EFCAB5: variants seen among roughly 807,000 people sequenced by gnomAD.
EFCAB5 encodes the protein EF-hand calcium binding domain 5, also known as EF-hand calcium-binding domain-containing protein 5.
In EFCAB5, 131 loss-of-function variants were observed where a neutral mutation model predicts 167.9. The observed-to-expected ratio is 0.78, with a 90% CI of 0.68 to 0.90. The LOEUF (loss-of-function observed/expected upper bound fraction) is 0.90. EFCAB5 is among the 40% of genes least tolerant of loss of function. The pLI, the probability that EFCAB5 is intolerant of heterozygous loss-of-function variation, is 0.00. For missense variants in EFCAB5, 1,663 were observed against 1,745.2 expected, an observed-to-expected ratio of 0.95 and a Z score of 0.84; for synonymous variants, 574 against 602.8, an observed-to-expected ratio of 0.95 and a Z score of 0.70.
intron 4 of EFCAB5, among the ~76,000 whole-genome samples, chr17:29,976,379 T>C (rs1261576372): frequency 6.6e-6 from 1 of 152,162 alleles, no homozygotes; most frequent in Non-Finnish European, 1.5e-5. Flanking sequence ...TTTCATGAAA[T>C]AATCAAAGTT....
chr17:30,060,888 C>T (rs1183577819), intron 14 of EFCAB5, among the ~76,000 whole-genome samples: 1 of 152,174 alleles, frequency 6.6e-6, no homozygotes, highest in Non-Finnish European at 1.5e-5. Flanking sequence ...ACTAAATGAT[C>T]TTGTGATCTT....
intron 4 of EFCAB5, among the ~76,000 whole-genome samples, chr17:29,979,548 T>A (rs1282923799): frequency 6.6e-6 from 1 of 152,218 alleles, no homozygotes; most frequent in Non-Finnish European, 1.5e-5. Flanking sequence ...TCTTTGGGAA[T>A]CCAGAGTGCC....
At chr17:29,951,180 A>G (rs2067501241) in intron 3 of EFCAB5, among the ~76,000 whole-genome samples, 1 of 152,240 alleles carries the variant, frequency 6.6e-6, no homozygotes, top group Non-Finnish European at 1.5e-5. Context: ...ATTGATAAAT[A>G]CTATCCACTG....
chr17:30,073,016 C>A, intron 14 of EFCAB5: 1 of 540,036 alleles, frequency 1.9e-6, no homozygotes, highest in South Asian at 2.5e-5. Flanking sequence ...TTCTTTCACT[C>A]TGCACTCTGG....
chr17:30,060,210 T>C (rs2070387923), intron 14 of EFCAB5, among the ~76,000 whole-genome samples: 1 of 150,470 alleles, frequency 6.6e-6, no homozygotes, highest in South Asian at 2.1e-4. Context: ...TAAAGTATAA[T>C]AATAACAAAA....
intron 3 of EFCAB5, among the ~76,000 whole-genome samples, chr17:29,962,368 TTA>T (rs2067736963): frequency 6.6e-6 from 1 of 152,170 alleles, no homozygotes; most frequent in South Asian, 2.1e-4. Context: ...CAGCAATGTT[TTA>T]TAGTTTTTAG....
chr17:30,000,994 C>CA (rs1237478457), intron 7 of EFCAB5, among the ~76,000 whole-genome samples: 1 of 152,180 alleles, frequency 6.6e-6, no homozygotes, highest in Admixed American at 6.5e-5. Context: ...CCTTCTGCCT[C>CA]AGAGTCTGCC....
chr17:29,950,644 G>T (rs148626356), intron 3 of EFCAB5: 42 of 152,242 alleles, frequency 2.8e-4, no homozygotes, highest in African/African-American at 9.6e-4. Context: ...GAAGCGCTGG[G>T]ATTACAGATG....
chr17:29,930,084 A>T, intron 1 of EFCAB5: 3 of 122,624 alleles, frequency 2.4e-5, no homozygotes, highest in African/African-American at 8.5e-5. Context: ...GGATGGGGAA[A>T]GGGGTGCGGG....
chr17:30,007,715 G>T (rs961357080), intron 7 of EFCAB5, among the ~76,000 whole-genome samples: 2 of 152,138 alleles, frequency 1.3e-5, no homozygotes, highest in Non-Finnish European at 2.9e-5. Context: ...AGCCCAGAGT[G>T]GTGACCCACA....
At chr17:30,087,013 G>T in intron 18 of EFCAB5, 50 bp from the exon 19 acceptor site, 1 of 1,526,382 alleles carries the variant, frequency 6.6e-7, no homozygotes, top group South Asian at 1.2e-5. Context: ...AAGCTTTAAT[G>T]AGAATATGAG....
At chr17:30,090,258 A>G (rs1174786293) in intron 19 of EFCAB5, 163 bp from the exon 20 acceptor site, 1 of 882,718 alleles carries the variant, frequency 1.1e-6, no homozygotes, top group South Asian at 1.9e-5. Flanking sequence ...ACAGACAGCC[A>G]TGTGAAATCA....
chr17:30,006,364 A>C (rs1296683979), intron 7 of EFCAB5, among the ~76,000 whole-genome samples: 2 of 152,086 alleles, frequency 1.3e-5, no homozygotes, highest in African/African-American at 4.8e-5. Flanking sequence ...CCATGCTTAG[A>C]AGATTCTCTT....
At chr17:30,068,612 T>TC in intron 14 of EFCAB5, 1 of 1,460,410 alleles carries the variant, frequency 6.8e-7, no homozygotes, top group Non-Finnish European at 9.1e-7. Flanking sequence ...CTTGTGGGGC[T>TC]GCCTGTGCGG....
At chr17:29,969,842 A>G (rs2067912946) in intron 4 of EFCAB5, among the ~76,000 whole-genome samples, 1 of 152,194 alleles carries the variant, frequency 6.6e-6, no homozygotes, top group South Asian at 2.1e-4. Flanking sequence ...TTCTTTATAC[A>G]TACATAAGGA....
chr17:30,023,000 A>T (rs999645731), intron 7 of EFCAB5, among the ~76,000 whole-genome samples: 1 of 152,066 alleles, frequency 6.6e-6, no homozygotes, highest in African/African-American at 2.4e-5. Context: ...AAGACACAAC[A>T]TACCAGAATC....
intron 7 of EFCAB5, among the ~76,000 whole-genome samples, chr17:30,026,513 A>G (rs988047292): frequency 6.6e-6 from 1 of 152,210 alleles, no homozygotes; most frequent in African/African-American, 2.4e-5. Context: ...AAACCACTAT[A>G]AAAGTATATT....
chr17:29,948,027 T>A (rs1230177642), intron 3 of EFCAB5, among the ~76,000 whole-genome samples: 1 of 152,152 alleles, frequency 6.6e-6, no homozygotes, highest in African/African-American at 2.4e-5. Flanking sequence ...GGTTTCACCA[T>A]GTTGGCCAGG....
At chr17:29,984,025 C>T (rs75438979) in intron 4 of EFCAB5, among the ~76,000 whole-genome samples, 2 of 151,906 alleles carry the variant, frequency 1.3e-5, no homozygotes, top group Admixed American at 6.6e-5. Flanking sequence ...CCCTAAAATT[C>T]GTTTACTTAT....
Sources: gnomAD v4.1 joint callset for allele counts (sites outside exome capture counted in the v4.1 genomes callset) on GRCh38, gnomAD v4.1.1 for gene constraint, MANE v1.5 for transcripts, NCBI Gene and HGNC (gene_info 2026-07-23, HGNC 2026-07-21) for gene names.